DENND1A: variants seen among roughly 807,000 people sequenced by gnomAD.
DENND1A encodes DENN domain containing 1A.
In DENND1A, 51 loss-of-function variants were observed where a neutral mutation model predicts 113.7. That is an observed-to-expected ratio of 0.45 (90% CI 0.36 to 0.57). The LOEUF (loss-of-function observed/expected upper bound fraction) is 0.57, where lower values mean the gene tolerates loss of function less well. Among genes scored for constraint, DENND1A ranks in the 20% least tolerant of loss-of-function variants. DENND1A has a pLI of 0.00. For missense variants in DENND1A, 1,258 were observed against 1,395.9 expected, an observed-to-expected ratio of 0.90 and a Z score of 1.57; for synonymous variants, 565 against 570.8, an observed-to-expected ratio of 0.99 and a Z score of 0.14.
chr9:123,496,026 T>C (rs1252190098), intron 13 of DENND1A, among the ~76,000 whole-genome samples: 1 of 152,364 alleles, frequency 6.6e-6, no homozygotes. Context: ...CAAACTTCAG[T>C]CTCTGAACAG....
At chr9:123,918,778 A>G (rs1249859347) in intron 1 of DENND1A, among the ~76,000 whole-genome samples, 1 of 152,162 alleles carries the variant, frequency 6.6e-6, no homozygotes, top group Non-Finnish European at 1.5e-5. Flanking sequence ...AGAAGAAGTG[A>G]TAGAAACAAA....
At position 123,445,799 on chromosome 9, in the gene DENND1A, G is replaced by A. The variant is rs546297420; in HGVS notation, c.1356+4894C>T. 7.9e-5 allele frequency among the ~76,000 whole-genome samples: 12 copies of A among 152,272 alleles called. No individual in the cohort carries two copies. The East Asian group carries it at 2.3e-3, about 29-fold the overall frequency. ...GGAGAATCACTTGAACCTGGGAGGT[G>A]GAGTTTGCGGTGAGCTGAGATCACA... On this transcript the variant is annotated intron_variant, in intron 18 of 23. Coordinates refer to ENST00000394215, the MANE Select transcript of DENND1A (RefSeq NM_001352964.2).
chr9:123,524,889 G>C (rs1051415405), intron 13 of DENND1A, among the ~76,000 whole-genome samples: 14 of 152,216 alleles, frequency 9.2e-5, no homozygotes, highest in Admixed American at 9.2e-4. Context: ...TACCTTGCAG[G>C]AGGAGATGGG....
At chr9:123,391,761 G>GGAAAA (rs370434845) in intron 21 of DENND1A, among the ~76,000 whole-genome samples, 3 of 110,402 alleles carry the variant, frequency 2.7e-5, no homozygotes, top group Admixed American at 9.5e-5. Flanking sequence ...GGCAGAATAT[G>GGAAAA]AAAAAAAAAA....
intron 19 of DENND1A, chr9:123,437,561 A>G (rs2046618413): frequency 6.6e-6 from 1 of 152,274 alleles, no homozygotes; most frequent in Admixed American, 6.5e-5. Flanking sequence ...TTGAGGTTAA[A>G]ATAGGTGCTC....
chr9:123,387,226 AG>A (rs2042612354), intron 22 of DENND1A, among the ~76,000 whole-genome samples: 1 of 152,232 alleles, frequency 6.6e-6, no homozygotes, highest in Non-Finnish European at 1.5e-5. Context: ...AATTGGTATG[AG>A]GCTTAGGCTA....
intron 2 of DENND1A, among the ~76,000 whole-genome samples, chr9:123,863,013 T>C (rs940403253): frequency 1.3e-5 from 2 of 152,218 alleles, no homozygotes; most frequent in Admixed American, 6.5e-5. Context: ...TTATATTTTA[T>C]CTCTTTTTCA....
Position 123,595,687 on chromosome 9 carries a change from C to A in DENND1A, c.766-12417G>T, listed in dbSNP as rs533149617. ...ACTCAGCCTTCTCTAGCACCAGTTT[C>A]CCTTGCTGTGAGCCGAGGTCATGCT... On this transcript the variant is annotated intron_variant, in intron 11 of 23. Coordinates refer to ENST00000394215, the MANE Select transcript of DENND1A (RefSeq NM_001352964.2). Among the ~76,000 whole-genome samples, 143 of 152,276 alleles carry A rather than the reference C, an allele frequency of 9.4e-4. 1 individual carries two copies. The highest frequency in any genetic ancestry group is 3.8e-4 in the Non-Finnish European group (26 of 68,018).
intron 7 of DENND1A, among the ~76,000 whole-genome samples, chr9:123,667,291 A>G (rs1392636658): frequency 6.6e-6 from 1 of 152,148 alleles, no homozygotes; most frequent in African/African-American, 2.4e-5. Context: ...GTTCTTTTCT[A>G]TGAGAGGAGA....
intron 2 of DENND1A, among the ~76,000 whole-genome samples, chr9:123,836,914 C>T (rs892003180): frequency 6.6e-6 from 1 of 152,070 alleles, no homozygotes; most frequent in African/African-American, 2.4e-5. Context: ...GGCTACAATA[C>T]AACTACATTT....
Position 123,674,338 on chromosome 9 carries a change from TCTCTCACACACACACA to T in DENND1A, c.372+2366_372+2381del, listed in dbSNP as rs2063922584. Among the ~76,000 whole-genome samples the T allele has an allele frequency of 4.8e-5, 6 of 126,112 alleles. No homozygotes were observed. In the Admixed American group the frequency reaches 5.2e-4, roughly 11 times the overall value. 82.7% of individuals were successfully genotyped at this position (126,112 alleles called of 152,430 possible). A position where few individuals can be genotyped will look rare whatever the true frequency, so the allele number is the denominator to read the frequency against. On this transcript the variant is annotated intron_variant, in intron 6 of 23. Coordinates refer to ENST00000394215, the MANE Select transcript of DENND1A (RefSeq NM_001352964.2). ...ATCTCTCTGTCTCTGTCTCTGTCTC[TCTCTCACACACACACA>T]CACACACACACACACACACACACAC... is the stretch of plus-strand genomic sequence containing the variant.
chr9:123,876,091 A>T (rs1847416108), intron 2 of DENND1A, among the ~76,000 whole-genome samples: 1 of 152,256 alleles, frequency 6.6e-6, no homozygotes, highest in Non-Finnish European at 1.5e-5. Context: ...TGAAAAATAC[A>T]TAACACTTTT....
At chr9:123,687,529 C>A (rs1232594056) in intron 5 of DENND1A, among the ~76,000 whole-genome samples, 1 of 152,146 alleles carries the variant, frequency 6.6e-6, no homozygotes, top group Non-Finnish European at 1.5e-5. Context: ...TTAAAATAAG[C>A]GATAAGGCCA....
intron 19 of DENND1A, among the ~76,000 whole-genome samples, chr9:123,436,238 G>C (rs1345445455): frequency 1.3e-5 from 2 of 152,248 alleles, no homozygotes; most frequent in African/African-American, 4.8e-5. Context: ...AAGGAACTGA[G>C]CTCCATCACC....
At chr9:123,695,554 T>C (rs556841498) in intron 5 of DENND1A, among the ~76,000 whole-genome samples, 2 of 152,298 alleles carry the variant, frequency 1.3e-5, no homozygotes, top group African/African-American at 2.4e-5. Flanking sequence ...CTATAGCTCA[T>C]TGGTCATAAA....
chr9:123,898,018 AT>A (rs932465553), intron 1 of DENND1A, among the ~76,000 whole-genome samples: 2 of 151,294 alleles, frequency 1.3e-5, no homozygotes, highest in East Asian at 1.9e-4. Flanking sequence ...ACTAAAAAAA[AT>A]TTTTTTTTAA....
intron 21 of DENND1A, among the ~76,000 whole-genome samples, chr9:123,391,868 T>C (rs530374545): frequency 6.6e-6 from 1 of 151,360 alleles, no homozygotes; most frequent in African/African-American, 2.4e-5. Flanking sequence ...CACAAAGAGC[T>C]GTCTGTGAAA....
At chr9:123,888,956 C>CTGTGTGTGTGTGTGTGTG (rs58270598) in intron 1 of DENND1A, among the ~76,000 whole-genome samples, 3 of 131,104 alleles carry the variant, frequency 2.3e-5, no homozygotes, top group Admixed American at 7.5e-5. Context: ...GTGCTTTAAA[C>CTGTGTGTGTGTGTGTGTG]TGTGTGTGTG....
intron 5 of DENND1A, among the ~76,000 whole-genome samples, chr9:123,703,254 G>C (rs1390032427): frequency 6.6e-6 from 1 of 152,164 alleles, no homozygotes; most frequent in Non-Finnish European, 1.5e-5. Flanking sequence ...TTACAGGTGT[G>C]AGCCACTGCA....
Sources: gnomAD v4.1 joint callset for allele counts (sites outside exome capture counted in the v4.1 genomes callset) on GRCh38, gnomAD v4.1.1 for gene constraint, MANE v1.5 for transcripts, NCBI Gene and HGNC (gene_info 2026-07-23, HGNC 2026-07-21) for gene names.